Variants in CCDC88A observed in about 807,000 individuals in gnomAD.
CCDC88A encodes coiled-coil and HOOK domain protein 88A.
A neutral mutation model predicts 234.3 loss-of-function variants in CCDC88A; 54 were observed. The ratio of observed to expected loss-of-function variants is 0.23; its 90% confidence interval spans 0.19 to 0.29. The LOEUF (loss-of-function observed/expected upper bound fraction) is 0.29, where lower values mean the gene tolerates loss of function less well. CCDC88A is among the 10% of genes least tolerant of loss of function. The probability of loss-of-function intolerance (pLI) is 1.00; values close to 1 mark genes in which losing one functional copy is unlikely to be tolerated. For missense variants in CCDC88A, 1,832 were observed against 2,123.4 expected (o/e 0.86, Z 2.70); for synonymous variants, 753 against 737.8 (o/e 1.02, Z -0.33).
At chr2:55,387,063 G>C (rs1043696201) in intron 3 of CCDC88A, among the ~76,000 whole-genome samples, 2 of 150,982 alleles carry the variant, frequency 1.3e-5, no homozygotes, top group Admixed American at 1.3e-4. Flanking sequence ...TGTAATCCCT[G>C]CTACTCGGGC....
intron 7 of CCDC88A, among the ~76,000 whole-genome samples, chr2:55,360,058 T>C (rs527398501): frequency 6.6e-6 from 1 of 152,276 alleles, no homozygotes; most frequent in South Asian, 2.1e-4. Context: ...GGGGTTTTCA[T>C]GCAGATTTAA....
At chr2:55,319,070 G>A (rs1683299257) in intron 18 of CCDC88A, 66 bp from the exon 19 acceptor site, 5 of 1,303,648 alleles carry the variant, frequency 3.8e-6, no homozygotes. Context: ...TGTTTCTATA[G>A]TATACTGAAT....
In CCDC88A at chr2:55,419,653, C is replaced by A. The variant is rs1202466103; in HGVS notation, c.-574G>T. 6.5e-6 allele frequency: 1 copy of A among 152,756 alleles called. No homozygotes were observed. The highest frequency in any genetic ancestry group is 1.5e-5 in the Non-Finnish European group (1 of 68,622). 9.5% of individuals were successfully genotyped at this position (152,756 alleles called of 1,614,324 possible). The stretch of plus-strand genomic sequence containing the variant: ...CAACAGGCAGGGCTCGCCCCTTCCC[C>A]CCGAGCAGACACCATTCCTCCGCCG... On this transcript the variant is annotated 5_prime_UTR_variant, in exon 1 of 33. Transcript: ENST00000436346.
At chr2:55,404,003 T>C (rs901109645) in intron 2 of CCDC88A, 3 of 152,236 alleles carry the variant, frequency 2.0e-5, no homozygotes, top group South Asian at 2.1e-4. Flanking sequence ...AGTGGGCTGA[T>C]ATACAGTCAC....
At chr2:55,311,696 T>C (rs564483080) in intron 23 of CCDC88A, among the ~76,000 whole-genome samples, 12 of 152,320 alleles carry the variant, frequency 7.9e-5, no homozygotes, top group East Asian at 5.8e-4. Flanking sequence ...AAGAGATGTA[T>C]TGAGTAAAGA....
chr2:55,343,834 A>C, intron 11 of CCDC88A, 42 bp from the exon 12 acceptor site: 1 of 1,502,416 alleles, frequency 6.7e-7, no homozygotes, highest in Non-Finnish European at 9.0e-7. Flanking sequence ...AAAGCTAAGA[A>C]ACAGTACAAT....
intron 18 of CCDC88A, chr2:55,320,723 T>C (rs559004675): frequency 3.3e-5 from 5 of 152,200 alleles, no homozygotes; most frequent in Non-Finnish European, 7.3e-5. Flanking sequence ...GAAAATATTT[T>C]CTCCTATTGC....
In CCDC88A at chr2:55,343,802, TG is replaced by T. The variant is rs1329510349; in HGVS notation, c.1189-11del. The stretch of plus-strand genomic sequence containing the variant: ...TATCCATATCTCGTTCCTTTTTTAT[TG>T]GCAAGGATTAGGGAGAGAAAAAAGC... On this transcript the variant is annotated splice_polypyrimidine_tract_variant and intron_variant, in intron 11 of 32. Coordinates refer to ENST00000436346, the MANE Select transcript of CCDC88A (RefSeq NM_001365480.1). 1 of 1,599,992 alleles carries T rather than the reference TG, an allele frequency of 6.3e-7. No individual in the cohort carries two copies. The highest frequency in any genetic ancestry group is 2.2e-5 in the East Asian group (1 of 44,518).
intron 2 of CCDC88A, among the ~76,000 whole-genome samples, chr2:55,410,219 T>C (rs1680250264): frequency 6.6e-6 from 1 of 152,116 alleles, no homozygotes; most frequent in South Asian, 2.1e-4. Context: ...GGGATGGGAG[T>C]ACAAGAGCTT....
At chr2:55,410,252 G>T (rs1029160769) in intron 2 of CCDC88A, among the ~76,000 whole-genome samples, 2 of 152,208 alleles carry the variant, frequency 1.3e-5, no homozygotes, top group African/African-American at 2.4e-5. Context: ...TGCATGCAAG[G>T]TGTTCACAGC....
Position 55,299,934 on chromosome 2 carries a change from C to G in CCDC88A, c.4745-15G>C, listed in dbSNP as rs1264641122. ...TGGTCTTGAAGCTAAATGAAAAAAC[C>G]AGGAGACAGTGTGATAAAACTTCTA... On this transcript the variant is annotated splice_polypyrimidine_tract_variant and intron_variant, in intron 28 of 32. Coordinates refer to ENST00000436346, the MANE Select transcript of CCDC88A (RefSeq NM_001365480.1). 1 of 1,594,966 alleles carries G rather than the reference C, an allele frequency of 6.3e-7. No individual in the cohort carries two copies. The highest frequency in any genetic ancestry group is 1.3e-5 in the African/African-American group (1 of 74,630).
At chr2:55,408,526 G>A (rs1198049816) in intron 2 of CCDC88A, among the ~76,000 whole-genome samples, 1 of 152,122 alleles carries the variant, frequency 6.6e-6, no homozygotes, top group Admixed American at 6.5e-5. Context: ...GCTGACAAGA[G>A]TGTCCTCTGG....
At chr2:55,402,633 G>A (rs1007178929) in intron 2 of CCDC88A, among the ~76,000 whole-genome samples, 7 of 151,406 alleles carry the variant, frequency 4.6e-5, no homozygotes, top group East Asian at 3.9e-4. Flanking sequence ...TCTTAACATC[G>A]TGCATTGGTC....
intron 2 of CCDC88A, among the ~76,000 whole-genome samples, chr2:55,390,045 A>AC (rs1676366084): frequency 1.4e-5 from 2 of 142,602 alleles, no homozygotes; most frequent in African/African-American, 2.6e-5. Context: ...AAAAAAAAAA[A>AC]AAAATAAAAA....
At chr2:55,346,109 C>A in intron 10 of CCDC88A, 66 bp downstream of exon 10, 2 of 1,106,868 alleles carry the variant, frequency 1.8e-6, no homozygotes, top group South Asian at 1.7e-5. Flanking sequence ...TTATTAACTG[C>A]ATTTTAAATG....
chr2:55,380,575 CTT>C (rs1674428566), intron 3 of CCDC88A, among the ~76,000 whole-genome samples: 1 of 152,004 alleles, frequency 6.6e-6, no homozygotes, highest in African/African-American at 2.4e-5. Flanking sequence ...CTTTGTATAA[CTT>C]TTTTCATTTA....
At chr2:55,349,230 T>A (rs1395136030) in intron 9 of CCDC88A, 7 of 336,464 alleles carry the variant, frequency 2.1e-5, no homozygotes, top group Non-Finnish European at 3.2e-5. Context: ...GTGTTCTAGC[T>A]TCCAAGGCCA....
chr2:55,384,885 G>A (rs1020402825), intron 3 of CCDC88A, among the ~76,000 whole-genome samples: 1 of 151,714 alleles, frequency 6.6e-6, no homozygotes, highest in Admixed American at 6.6e-5. Flanking sequence ...TGGAACTCCA[G>A]ACCTCCAGTG....
chr2:55,320,074 T>G (rs904829240), intron 18 of CCDC88A, among the ~76,000 whole-genome samples: 14 of 152,134 alleles, frequency 9.2e-5, no homozygotes, highest in Non-Finnish European at 1.9e-4. Flanking sequence ...AACAAATGCT[T>G]TAAGATGCGT....
Sources: allele counts gnomAD v4.1 joint callset (sites outside exome capture counted in the v4.1 genomes callset), GRCh38; gene constraint gnomAD v4.1.1; transcripts MANE v1.5; gene names NCBI Gene and HGNC (gene_info 2026-07-23, HGNC 2026-07-21).